POLA1: variants seen among roughly 807,000 people sequenced by gnomAD.
The protein encoded by POLA1 is DNA polymerase alpha 1, catalytic subunit.
Under a neutral mutation model 124.0 loss-of-function variants are expected in POLA1, and 15 were observed. The observed-to-expected ratio is 0.12, with a 90% CI of 0.08 to 0.19. The LOEUF (loss-of-function observed/expected upper bound fraction) is 0.19, where lower values mean the gene tolerates loss of function less well. Ranked by LOEUF, POLA1 falls within the 10% of genes least tolerant of loss-of-function variation. The pLI is 1.00. For missense variants in POLA1, 886 were observed against 1,103.4 expected (o/e 0.80, Z 2.79); for synonymous variants, 408 against 389.4 (o/e 1.05, Z -0.56).
At chrX:24,734,617 C>G (rs906338495) in intron 17 of POLA1, among the ~76,000 whole-genome samples, 4 of 111,064 alleles carry the variant, frequency 3.6e-5, no homozygotes, top group Non-Finnish European at 7.5e-5. Context: ...CCATTAGAGT[C>G]AAACCGACTT....
intron 30 of POLA1, among the ~76,000 whole-genome samples, chrX:24,821,244 A>G (rs1216684412): frequency 8.9e-6 from 1 of 111,753 alleles, no homozygotes; most frequent in African/African-American, 3.3e-5. Context: ...TTGGGGTTGC[A>G]TCTGGTTATG....
chrX:24,696,581 C>G (rs1432921957), intron 1 of POLA1, among the ~76,000 whole-genome samples: 1 of 111,742 alleles, frequency 8.9e-6, no homozygotes, highest in Non-Finnish European at 1.9e-5. Flanking sequence ...CTCTAGGCTG[C>G]AAGGGTGTCT....
intron 36 of POLA1, among the ~76,000 whole-genome samples, chrX:24,961,533 T>G (rs768298975): frequency 1.8e-5 from 2 of 110,826 alleles, no homozygotes; most frequent in Non-Finnish European, 3.8e-5. Context: ...GTCCCTAAGG[T>G]CAACCCTAAA....
At chrX:24,709,246 A>AC (rs1341051535) in intron 4 of POLA1, among the ~76,000 whole-genome samples, 3 of 77,269 alleles carry the variant, frequency 3.9e-5, no homozygotes, top group Non-Finnish European at 7.3e-5. Flanking sequence ...CGGGGGGCTG[A>AC]CCCCCCCACC....
In POLA1 at chrX:24,739,522, C is replaced by T; in HGVS notation, c.2188C>T (p.Pro730Ser). The T allele has an allele frequency of 8.5e-7, 1 of 1,183,157 alleles. No homozygotes were observed. Among genetic ancestry groups the T allele is most frequent in the Non-Finnish European group, 1.1e-6 (1 of 872,604 alleles). The part of the protein sequence containing the change: ...QILKTERVVI[P>S]MENIQNMYSE... ...TCTAAAAACTGAAAGGGTTGTAATC[C>T]CAATGGAAAATATACAAAATATGTA... Residue 730 changes from proline (P) to serine (S), a missense_variant, in exon 20 of 37, where the codon CCA (proline) becomes TCA (serine). Around this residue, in one of 7 missense-constraint regions of POLA1, gnomAD observed 182 missense variants for 252.8 expected, o/e 0.72. Coordinates refer to ENST00000379068, the MANE Select transcript of POLA1 (RefSeq NM_001330360.2).
chrX:24,913,013 A>G (rs745571011), intron 35 of POLA1, among the ~76,000 whole-genome samples: 2 of 112,168 alleles, frequency 1.8e-5, no homozygotes, highest in East Asian at 5.6e-4. Flanking sequence ...CTGTGTATTT[A>G]CCCTAAAGAA....
chrX:24,826,748 G>A, intron 32 of POLA1, 147 bp downstream of exon 32: 1 of 411,336 alleles, frequency 2.4e-6, no homozygotes, highest in Non-Finnish European at 4.2e-6. Context: ...GTGGTTGTTT[G>A]GTACTGTCTC....
intron 35 of POLA1, among the ~76,000 whole-genome samples, chrX:24,900,552 A>T (rs774406173): frequency 4.4e-4 from 50 of 112,383 alleles, no homozygotes; most frequent in Non-Finnish European, 7.9e-4. Context: ...TGACACTGTG[A>T]AATGTGTAAC....
At chrX:24,810,009 C>G in intron 27 of POLA1, 79 bp downstream of exon 27, 7 of 589,553 alleles carry the variant, frequency 1.2e-5, no homozygotes, top group Non-Finnish European at 1.6e-5. Context: ...AAATTGTAAC[C>G]CAAACAGACT....
intron 1 of POLA1, among the ~76,000 whole-genome samples, chrX:24,697,268 C>G (rs1268777423): frequency 9.0e-6 from 1 of 111,289 alleles, no homozygotes; most frequent in Non-Finnish European, 1.9e-5. Context: ...TGTAGTGGAA[C>G]ATTGTTGCCT....
At chrX:24,696,825 A>G (rs1372657294) in intron 1 of POLA1, among the ~76,000 whole-genome samples, 2 of 111,551 alleles carry the variant, frequency 1.8e-5, no homozygotes, top group East Asian at 5.7e-4. Flanking sequence ...TACTCACTCT[A>G]CACTCCCTTG....
chrX:24,715,328 G>T (rs1259365062), intron 6 of POLA1, 125 bp downstream of exon 6: 1 of 428,867 alleles, frequency 2.3e-6, no homozygotes, highest in East Asian at 4.0e-5. Context: ...AGCTTGCACT[G>T]TTGCCCAGGC....
At chrX:24,919,764 A>G (rs2047584028) in intron 35 of POLA1, among the ~76,000 whole-genome samples, 1 of 100,195 alleles carries the variant, frequency 1.0e-5, no homozygotes, top group Non-Finnish European at 2.0e-5. Context: ...CCCAACACGC[A>G]CTAGCTATTT....
At chrX:24,966,043 T>TGCCTCCTGAGGCAGGAGACTGGTGTG in intron 36 of POLA1, among the ~76,000 whole-genome samples, 1 of 112,240 alleles carries the variant, frequency 8.9e-6, no homozygotes, top group Admixed American at 9.4e-5. Flanking sequence ...TAGTAATGTC[T>TGCCTCCTGAGGCAGGAGACTGGTGTG]AACTGAAGTT....
intron 26 of POLA1, among the ~76,000 whole-genome samples, chrX:24,787,680 C>T (rs1030367507): frequency 1.8e-5 from 2 of 111,665 alleles, no homozygotes; most frequent in African/African-American, 6.5e-5. Context: ...CTTAAGATTA[C>T]TTTGGCTATT....
chrX:24,810,357 A>C (rs191347005), intron 27 of POLA1, among the ~76,000 whole-genome samples: 1 of 111,703 alleles, frequency 9.0e-6, no homozygotes, highest in East Asian at 2.8e-4. Flanking sequence ...ACCACTAAGC[A>C]TGTGGTACAG....
rs1207862653 is a variant in POLA1 at position 24,996,260 on chromosome X, T to G, written c.*310T>G. On this transcript the variant is annotated 3_prime_UTR_variant, in exon 37 of 37. Transcript: ENST00000379068. ...GAGGGAGGGAAATTGCTACTTGGAT[T>G]GAGAGTAGCTGGAATGTAAGTGACC... 5.1e-6 allele frequency: 1 copy of G among 196,773 alleles called. No homozygotes were observed. The allele number at this position is 196,773 out of a possible 1,213,427, so 16.2% of individuals were successfully genotyped here.
At chrX:24,874,004 T>TA (rs1227545037) in intron 34 of POLA1, among the ~76,000 whole-genome samples, 1 of 111,583 alleles carries the variant, frequency 9.0e-6, no homozygotes, top group Non-Finnish European at 1.9e-5. Context: ...GACTGGCTCA[T>TA]ATATTAAGTA....
rs982832193 is a variant in POLA1 at position 24,748,956 on chromosome X, A to G, written c.2928A>G (p.Lys976=). ...LGFSYSRFYA[K]PLAALVTYKG... ...TTTCCTATAGCAGATTTTACGCCAA[A>G]CCACTGGCTGCCTTGGTGACATACA... is the stretch of plus-strand genomic sequence containing the variant. Residue 976 remains lysine, a synonymous_variant, in exon 26 of 37, where the codon AAA becomes AAG. Coordinates refer to ENST00000379068, the MANE Select transcript of POLA1 (RefSeq NM_001330360.2). 4.2e-6 allele frequency: 5 copies of G among 1,202,472 alleles called. No individual in the cohort carries two copies. The highest frequency in any genetic ancestry group is 5.6e-6 in the Non-Finnish European group (5 of 887,066).
Sources: allele counts gnomAD v4.1 joint callset (sites outside exome capture counted in the v4.1 genomes callset), GRCh38; gene constraint gnomAD v4.1.1; regional missense constraint gnomAD v4.1.1; transcripts MANE v1.5; gene names NCBI Gene and HGNC (gene_info 2026-07-23, HGNC 2026-07-21).